The following FBXL17 variants were observed in gnomAD, a reference collection of about 807,000 sequenced individuals.
The protein encoded by FBXL17 is F-box and leucine rich repeat protein 17.
In FBXL17, 22 loss-of-function variants were observed where a neutral mutation model predicts 66.2. The observed-to-expected ratio is 0.33, with a 90% CI of 0.24 to 0.47. The LOEUF is 0.47. Ranked by LOEUF, FBXL17 falls within the 20% of genes least tolerant of loss-of-function variation. The pLI is 1.00. For synonymous variants in FBXL17, 474 were observed against 400.5 expected (o/e 1.18, Z -2.19); for missense variants, 878 against 948.2 (o/e 0.93, Z 0.97).
At chr5:108,330,775 C>T (rs1038820732) in intron 4 of FBXL17, among the ~76,000 whole-genome samples, 5 of 152,096 alleles carry the variant, frequency 3.3e-5, no homozygotes, top group Non-Finnish European at 7.4e-5. Context: ...CATCATTGCA[C>T]GTGCACACAC....
At chr5:108,242,037 A>C (rs1755874623) in intron 4 of FBXL17, among the ~76,000 whole-genome samples, 1 of 152,214 alleles carries the variant, frequency 6.6e-6, no homozygotes, top group African/African-American at 2.4e-5. Flanking sequence ...TATAAATCTG[A>C]AAAAGAAGGA....
At chr5:107,975,857 G>T (rs1240322011) in intron 7 of FBXL17, among the ~76,000 whole-genome samples, 23 of 79,912 alleles carry the variant, frequency 2.9e-4, no homozygotes, top group African/African-American at 6.8e-4. Flanking sequence ...TGTTGTTGTT[G>T]TTTTTTTTTT....
chr5:108,131,417 A>G (rs558348145), intron 6 of FBXL17, among the ~76,000 whole-genome samples: 27 of 152,286 alleles, frequency 1.8e-4, no homozygotes, highest in African/African-American at 6.3e-4. Context: ...GATGACTATA[A>G]ACGATTTAAA....
intron 6 of FBXL17, among the ~76,000 whole-genome samples, chr5:108,149,177 T>A (rs147104228): frequency 7.5e-4 from 114 of 152,362 alleles, no homozygotes; most frequent in African/African-American, 2.7e-3. Flanking sequence ...ATATATGTTA[T>A]AATTCAACAA....
chr5:107,927,402 G>A (rs1750560196), intron 7 of FBXL17, among the ~76,000 whole-genome samples: 1 of 152,072 alleles, frequency 6.6e-6, no homozygotes, highest in African/African-American at 2.4e-5. Context: ...TGTTGTAGAC[G>A]GCCAAGCAAA....
chr5:108,101,908 A>G (rs1416680331), intron 6 of FBXL17, among the ~76,000 whole-genome samples: 1 of 152,258 alleles, frequency 6.6e-6, no homozygotes, highest in Admixed American at 6.5e-5. Flanking sequence ...TTCAAAGTAG[A>G]CATCACAGAA....
chr5:108,038,893 T>C (rs1746947137), intron 6 of FBXL17, among the ~76,000 whole-genome samples: 1 of 152,070 alleles, frequency 6.6e-6, no homozygotes, highest in African/African-American at 2.4e-5. Context: ...CTTGATGATA[T>C]ACTCGGGGTG....
At chr5:108,117,660 T>A (rs564927891) in intron 6 of FBXL17, among the ~76,000 whole-genome samples, 1 of 151,996 alleles carries the variant, frequency 6.6e-6, no homozygotes, top group African/African-American at 2.4e-5. Context: ...TCAAAAAACG[T>A]TGAGGTATTA....
At chr5:108,034,423 G>A (rs1746761450) in intron 6 of FBXL17, among the ~76,000 whole-genome samples, 1 of 152,184 alleles carries the variant, frequency 6.6e-6, no homozygotes, top group Non-Finnish European at 1.5e-5. Flanking sequence ...AAATTGTGTT[G>A]CCAGAAACTG....
intron 7 of FBXL17, among the ~76,000 whole-genome samples, chr5:107,882,770 T>A (rs1748835027): frequency 6.6e-6 from 1 of 152,184 alleles, no homozygotes; most frequent in Admixed American, 6.5e-5. Context: ...AGGGGATACA[T>A]AAAATAAATC....
At chr5:108,192,056 T>G (rs1173521958) in intron 5 of FBXL17, among the ~76,000 whole-genome samples, 1 of 152,198 alleles carries the variant, frequency 6.6e-6, no homozygotes, top group Non-Finnish European at 1.5e-5. Flanking sequence ...CTAGCACTTC[T>G]AAGAGATGTG....
intron 6 of FBXL17, among the ~76,000 whole-genome samples, chr5:108,173,603 C>A (rs960561974): frequency 8.5e-5 from 13 of 152,122 alleles, no homozygotes; most frequent in African/African-American, 1.2e-4. Context: ...GTCTTTAATA[C>A]AATACAACCT....
chr5:108,180,866 A>T (rs1020716737), intron 6 of FBXL17, among the ~76,000 whole-genome samples: 1 of 152,170 alleles, frequency 6.6e-6, no homozygotes, highest in African/African-American at 2.4e-5. Flanking sequence ...AGAAAGGCTC[A>T]TATATTTGAT....
At chr5:108,179,068 T>C (rs925413202) in intron 6 of FBXL17, among the ~76,000 whole-genome samples, 8 of 152,230 alleles carry the variant, frequency 5.3e-5, no homozygotes, top group Non-Finnish European at 1.2e-4. Flanking sequence ...CACAGGAAGA[T>C]GGTAGATTAT....
At chr5:107,991,718 T>C (rs374764575) in intron 7 of FBXL17, among the ~76,000 whole-genome samples, 5 of 152,306 alleles carry the variant, frequency 3.3e-5, no homozygotes, top group Admixed American at 2.0e-4. Context: ...CAGATCTAAG[T>C]TTCCCTTGCT....
chr5:108,014,775 G>C (rs62361135), intron 7 of FBXL17, among the ~76,000 whole-genome samples: 2,314 of 152,186 alleles, frequency 0.015, 28 homozygotes, highest in South Asian at 0.042. Flanking sequence ...CCCCATACTA[G>C]GTAATTTATA....
intron 7 of FBXL17, among the ~76,000 whole-genome samples, chr5:107,928,568 CT>C (rs1313764023): frequency 3.3e-5 from 5 of 151,934 alleles, no homozygotes; most frequent in Non-Finnish European, 4.4e-5. Flanking sequence ...TCTAAGTAAT[CT>C]TATATGCTCA....
rs561578365 is a variant in FBXL17, at chr5:108,087,610, T to C, written c.1746-66609A>G. Among the ~76,000 whole-genome samples, 4 of 152,198 alleles carry C rather than the reference T, an allele frequency of 2.6e-5. No individual in the cohort carries two copies. The East Asian group carries it at 5.8e-4, about 22-fold the overall frequency. On this transcript the variant is annotated intron_variant, in intron 6 of 8. Transcript: ENST00000542267. ...TAAACATCTTATACCCCAATCTCGA[T>C]CTCAGTGTCTGCTTCCAAAGAATCC...
intron 6 of FBXL17, among the ~76,000 whole-genome samples, chr5:108,120,497 A>T (rs1439050595): frequency 6.6e-6 from 1 of 152,220 alleles, no homozygotes; most frequent in Admixed American, 6.5e-5. Flanking sequence ...CATTGAGAAA[A>T]ATTTAATTGA....
Sources: gnomAD v4.1 joint callset for allele counts (sites outside exome capture counted in the v4.1 genomes callset) on GRCh38, gnomAD v4.1.1 for gene constraint, MANE v1.5 for transcripts, NCBI Gene and HGNC (gene_info 2026-07-23, HGNC 2026-07-21) for gene names.